SLC22A3: variants seen among roughly 807,000 people sequenced by gnomAD.
SLC22A3 encodes the protein EMT organic cation transporter 3.
SLC22A3 carries 51 observed loss-of-function variants against 59.1 expected under a neutral mutation model. That is an observed-to-expected ratio of 0.86 (90% CI 0.69 to 1.09). The LOEUF (loss-of-function observed/expected upper bound fraction) is 1.09, where lower values mean the gene tolerates loss of function less well. Ranked by LOEUF, SLC22A3 falls within the 50% of genes least tolerant of loss-of-function variation. The pLI is 0.00. For synonymous variants in SLC22A3, 325 were observed against 292.0 expected (o/e 1.11, Z -1.15); for missense variants, 711 against 726.3 (o/e 0.98, Z 0.24).
At chr6:160,363,578 G>A (rs114958214) in intron 1 of SLC22A3, among the ~76,000 whole-genome samples, 4,774 of 152,012 alleles carry the variant, frequency 0.031, 242 homozygotes, top group African/African-American at 0.11. Flanking sequence ...TGTGGCCTGG[G>A]GTGAGTCCCA....
Position 160,348,959 on chromosome 6 carries a change from G to A in SLC22A3, c.429+111G>A, listed in dbSNP as rs1198126798. On this transcript the variant is annotated intron_variant, in intron 1 of 10. Transcript: ENST00000275300. ...GCCAGGGGAGGTCGGTGGAGACGGGGACCGGTCGGCTACCTCTGGGGACAG... is the reference window on the plus strand; with the variant it reads ...GCCAGGGGAGGTCGGTGGAGACGGGAACCGGTCGGCTACCTCTGGGGACAG... 9.8e-6 allele frequency: 15 copies of A among 1,526,322 alleles called. No individual in the cohort carries two copies. The East Asian group carries it at 3.4e-4, about 35-fold the overall frequency. 94.5% of individuals were successfully genotyped at this position (1,526,322 alleles called of 1,614,324 possible). A position where few individuals can be genotyped will look rare whatever the true frequency, so the allele number is the denominator to read the frequency against.
chr6:160,444,987 G>A (rs1357734814), intron 9 of SLC22A3, among the ~76,000 whole-genome samples: 2 of 152,164 alleles, frequency 1.3e-5, no homozygotes, highest in African/African-American at 4.8e-5. Context: ...AGCAGAAAGT[G>A]CTACTGTCCA....
chr6:160,425,190 T>C (rs1423517119), intron 5 of SLC22A3, among the ~76,000 whole-genome samples: 2 of 152,200 alleles, frequency 1.3e-5, no homozygotes, highest in Non-Finnish European at 2.9e-5. Context: ...TTAAACAGGT[T>C]GAGTATTAAA....
At position 160,371,737 on chromosome 6, in the gene SLC22A3, A is replaced by G. The variant is rs149718218; in HGVS notation, c.429+22889A>G. Among the ~76,000 whole-genome samples, 108 of 152,314 alleles carry G rather than the reference A, an allele frequency of 7.1e-4. 2 individuals are homozygous for G. In the East Asian group the frequency reaches 0.02, roughly 28 times the overall value. ...TGGGTCAAGTGGTATTTCTGGTTTT[A>G]GATCCTTGAGGAATGGCTACACTGT... On this transcript the variant is annotated intron_variant, in intron 1 of 10. Coordinates refer to ENST00000275300, the MANE Select transcript of SLC22A3 (RefSeq NM_021977.4).
chr6:160,375,044 G>C (rs1785539447), intron 1 of SLC22A3, among the ~76,000 whole-genome samples: 1 of 152,180 alleles, frequency 6.6e-6, no homozygotes, highest in African/African-American at 2.4e-5. Context: ...TGGGGAAAGT[G>C]AAGTTGGCAA....
intron 10 of SLC22A3, among the ~76,000 whole-genome samples, chr6:160,449,618 C>T (rs73592945): frequency 0.032 from 4,864 of 152,232 alleles, 245 homozygotes; most frequent in African/African-American, 0.11. Flanking sequence ...ATGTTAACAG[C>T]TCATTTCCAA....
intron 1 of SLC22A3, among the ~76,000 whole-genome samples, chr6:160,393,018 T>C (rs971663693): frequency 1.3e-5 from 2 of 152,018 alleles, no homozygotes; most frequent in African/African-American, 4.8e-5. Context: ...CAGAAGCACA[T>C]AGATATTGCA....
chr6:160,449,000 A>G (rs1788850936), intron 10 of SLC22A3, among the ~76,000 whole-genome samples: 1 of 152,204 alleles, frequency 6.6e-6, no homozygotes, highest in African/African-American at 2.4e-5. Context: ...TATATAAAAA[A>G]TCCTGAGGAA....
intron 1 of SLC22A3, among the ~76,000 whole-genome samples, chr6:160,378,615 C>CCT (rs1785682504): frequency 6.6e-6 from 1 of 152,146 alleles, no homozygotes; most frequent in South Asian, 2.1e-4. Context: ...GGCTCCTCGA[C>CCT]TTAGGATGGG....
At chr6:160,412,997 C>A (rs1787319032) in intron 5 of SLC22A3, among the ~76,000 whole-genome samples, 2 of 149,480 alleles carry the variant, frequency 1.3e-5, no homozygotes, top group Admixed American at 6.7e-5. Context: ...AAATAGGCAT[C>A]TAGAAAGGAA....
At chr6:160,442,618 T>C (rs1414252419) in intron 7 of SLC22A3, 143 bp from the exon 8 acceptor site, 1 of 715,526 alleles carries the variant, frequency 1.4e-6, no homozygotes, top group Non-Finnish European at 2.6e-6. Flanking sequence ...TTGGTTACAT[T>C]ATTAGAAAGT....
At chr6:160,397,532 G>A (rs1221590909) in intron 1 of SLC22A3, among the ~76,000 whole-genome samples, 6 of 151,974 alleles carry the variant, frequency 3.9e-5, no homozygotes, top group South Asian at 2.1e-4. Context: ...TCAAGAGATC[G>A]AGACCATTCT....
At chr6:160,428,529 G>A (rs1788044337) in intron 5 of SLC22A3, among the ~76,000 whole-genome samples, 1 of 152,180 alleles carries the variant, frequency 6.6e-6, no homozygotes, top group African/African-American at 2.4e-5. Context: ...AAAGAGTATG[G>A]AACGCCTCAT....
At chr6:160,432,840 C>T (rs939101270) in intron 5 of SLC22A3, among the ~76,000 whole-genome samples, 3 of 152,164 alleles carry the variant, frequency 2.0e-5, no homozygotes, top group South Asian at 2.1e-4. Context: ...ACAGACTTTG[C>T]TATCAACCTC....
At chr6:160,433,106 G>T (rs2457577) in intron 5 of SLC22A3, among the ~76,000 whole-genome samples, 131,728 of 152,248 alleles carry the variant, frequency 0.87, 57,408 homozygotes, top group East Asian at 1. Flanking sequence ...GATGGTAAAG[G>T]TAAGTAGTTC....
chr6:160,433,462 T>C (rs969158773), intron 5 of SLC22A3, among the ~76,000 whole-genome samples: 1 of 152,116 alleles, frequency 6.6e-6, no homozygotes, highest in African/African-American at 2.4e-5. Context: ...TCAGGAGGAT[T>C]GTTCAAGCCC....
At chr6:160,448,417 G>T (rs976904011) in intron 10 of SLC22A3, among the ~76,000 whole-genome samples, 1 of 152,086 alleles carries the variant, frequency 6.6e-6, no homozygotes, top group Non-Finnish European at 1.5e-5. Flanking sequence ...ATAGATAAGT[G>T]ATAGTAGATA....
intron 8 of SLC22A3, among the ~76,000 whole-genome samples, chr6:160,443,264 T>C (rs558891990): frequency 7.2e-4 from 109 of 152,342 alleles, no homozygotes; most frequent in Non-Finnish European, 1.3e-3. Flanking sequence ...TTATGAAGGA[T>C]GAAATGAAAC....
intron 5 of SLC22A3, among the ~76,000 whole-genome samples, chr6:160,429,087 G>GC (rs1788062901): frequency 6.6e-6 from 1 of 152,180 alleles, no homozygotes. Context: ...GCCCCACCAG[G>GC]CCCTCTGGTT....
Sources: gnomAD v4.1 joint callset for allele counts (sites outside exome capture counted in the v4.1 genomes callset) on GRCh38, gnomAD v4.1.1 for gene constraint, MANE v1.5 for transcripts, NCBI Gene and HGNC (gene_info 2026-07-23, HGNC 2026-07-21) for gene names.